The following CPNE5 variants were observed in gnomAD, a reference collection of about 807,000 sequenced individuals.
The protein encoded by CPNE5 is copine-5.
A neutral mutation model predicts 81.1 loss-of-function variants in CPNE5; 42 were observed. That is an observed-to-expected ratio of 0.52 (90% CI 0.40 to 0.67). The LOEUF is 0.67. CPNE5 is among the 30% of genes least tolerant of loss of function. The pLI is 0.00. For missense variants in CPNE5, 612 were observed against 815.5 expected (o/e 0.75, Z 3.04); for synonymous variants, 313 against 321.5 (o/e 0.97, Z 0.28).
At chr6:36,759,581 G>C (rs1318334190) in intron 12 of CPNE5, among the ~76,000 whole-genome samples, 1 of 151,996 alleles carries the variant, frequency 6.6e-6, no homozygotes, top group African/African-American at 2.4e-5. Context: ...GTTGAATAGT[G>C]TCACAAAACA....
At position 36,742,429 on chromosome 6, in the gene CPNE5, G is replaced by C; in HGVS notation, c.1621C>G (p.Arg541Gly). 6.2e-7 allele frequency: 1 copy of C among 1,613,612 alleles called. No homozygotes were observed. The highest frequency in any genetic ancestry group is 1.1e-5 in the South Asian group (1 of 91,082). ...TCTGCCAGCACGTCTCGGGCCAGGCGGGCCATGCTCAGCACGTGGTTGCCT... is the reference window on the plus strand; with the variant it reads ...TCTGCCAGCACGTCTCGGGCCAGGCCGGCCATGCTCAGCACGTGGTTGCCT... ...RTGNHVLSMA[R>G]LARDVLAEIP... Residue 541 changes from arginine to glycine, a missense_variant, in exon 21 of 21, where the codon CGC becomes GGC. Physicochemically the swap from Arg to Gly is moderately radical, Grantham distance 125. Coordinates refer to ENST00000244751, the MANE Select transcript of CPNE5 (RefSeq NM_020939.2).
At chr6:36,756,336 C>A (rs1162170161) in intron 12 of CPNE5, 38 bp from the exon 13 acceptor site, 8 of 1,588,610 alleles carry the variant, frequency 5.0e-6, no homozygotes, top group Non-Finnish European at 6.9e-6. Flanking sequence ...GGCATGCTTC[C>A]AGGCAGTCAG....
intron 8 of CPNE5, among the ~76,000 whole-genome samples, chr6:36,780,333 G>A (rs902122654): frequency 2.6e-5 from 4 of 152,160 alleles, no homozygotes; most frequent in Non-Finnish European, 5.9e-5. Context: ...CCAAAACGGT[G>A]GCAGAGAAGA....
chr6:36,754,181 T>C (rs1310014491), intron 13 of CPNE5: 1 of 151,752 alleles, frequency 6.6e-6, no homozygotes, highest in Non-Finnish European at 1.5e-5. Flanking sequence ...TATAGCCGAG[T>C]TTCCGGGGCT....
At chr6:36,824,226 C>T (rs980597670) in intron 1 of CPNE5, among the ~76,000 whole-genome samples, 3 of 152,204 alleles carry the variant, frequency 2.0e-5, no homozygotes, top group Non-Finnish European at 2.9e-5. Flanking sequence ...CCCAAAAGGC[C>T]GCACTCAACC....
At chr6:36,745,571 A>C in intron 16 of CPNE5, 56 bp from the exon 17 acceptor site, 1 of 1,495,520 alleles carries the variant, frequency 6.7e-7, no homozygotes, top group Non-Finnish European at 9.0e-7. Flanking sequence ...GGGGTGCACG[A>C]TGTGTGGGAA....
intron 8 of CPNE5, among the ~76,000 whole-genome samples, chr6:36,790,472 T>A (rs976534786): frequency 1.9e-4 from 29 of 152,220 alleles, no homozygotes; most frequent in African/African-American, 6.8e-4. Flanking sequence ...CAGAAGCAGC[T>A]ATGAGAATCC....
At chr6:36,822,247 C>T (rs539363648) in intron 2 of CPNE5, 87 bp from the exon 3 acceptor site, 17 of 1,190,082 alleles carry the variant, frequency 1.4e-5, no homozygotes, top group Middle Eastern at 2.0e-4. Flanking sequence ...GCTGGGCAGG[C>T]GCCTCAGCAG....
intron 3 of CPNE5, among the ~76,000 whole-genome samples, chr6:36,806,255 T>C (rs1770583457): frequency 6.6e-6 from 1 of 152,158 alleles, no homozygotes; most frequent in African/African-American, 2.4e-5. Context: ...ATTGCTTCCC[T>C]TTGAATAGCA....
At chr6:36,821,022 G>A (rs1390191548) in intron 3 of CPNE5, among the ~76,000 whole-genome samples, 1 of 152,132 alleles carries the variant, frequency 6.6e-6, no homozygotes, top group Non-Finnish European at 1.5e-5. Flanking sequence ...CCAGTTAAGG[G>A]GAATAAGAAG....
rs375462904 is a variant in CPNE5 at position 36,762,958 on chromosome 6, G to A, written c.814C>T (p.Arg272Trp). The change falls in exon 12 of 21, where the codon CGG becomes TGG. Residue 272 changes from arginine (R) to tryptophan (W), a missense_variant. Coordinates refer to ENST00000244751, the MANE Select transcript of CPNE5 (RefSeq NM_020939.2). ...TGGCTCTGCCCACGGGCCAGCTCCC[G>A]GTAACTGGTGGTGAACTCCCCAATG... ...DFIGEFTTSY[R>W]ELARGQSQFN... is the part of the protein sequence containing the mutation. 7.4e-6 allele frequency: 12 copies of A among 1,614,038 alleles called. No individual in the cohort carries two copies. The highest frequency in any genetic ancestry group is 6.8e-6 in the Non-Finnish European group (8 of 1,180,030).
intron 3 of CPNE5, among the ~76,000 whole-genome samples, chr6:36,821,685 T>A (rs989669652): frequency 1.3e-5 from 2 of 151,322 alleles, no homozygotes; most frequent in Non-Finnish European, 2.9e-5. Flanking sequence ...CAGAAGGGAG[T>A]CAACAAAGTT....
chr6:36,767,444 T>A (rs1026788520), intron 10 of CPNE5, among the ~76,000 whole-genome samples: 35 of 152,146 alleles, frequency 2.3e-4, no homozygotes, highest in African/African-American at 8.4e-4. Context: ...CAGCTGAGGG[T>A]CTGAGCCAGA....
At position 36,746,157 on chromosome 6, in the gene CPNE5, G is replaced by A. The variant is rs1764135272; in HGVS notation, c.1200+239C>T. ...CTCCACCTGCACCTGCGTCTTGTCAGGAACAAGGAAGCCAGGGCCAGCTGT... is the reference window on the plus strand; with the variant it reads ...CTCCACCTGCACCTGCGTCTTGTCAAGAACAAGGAAGCCAGGGCCAGCTGT... On this transcript the variant is annotated intron_variant, in intron 16 of 20. Coordinates refer to ENST00000244751, the MANE Select transcript of CPNE5 (RefSeq NM_020939.2). The surrounding 1 kb of genome is among the most constrained non-coding windows in gnomAD (Gnocchi z 4.5). 3.0e-6 allele frequency: 3 copies of A among 985,338 alleles called. No individual in the cohort carries two copies. In the African/African-American group the frequency reaches 5.2e-5, roughly 17 times the overall value. The allele number at this position is 985,338 out of a possible 1,614,324, so 61.0% of individuals were successfully genotyped here. A position where few individuals can be genotyped will look rare whatever the true frequency, so the allele number is the denominator to read the frequency against.
At chr6:36,815,103 A>G (rs1212390304) in intron 3 of CPNE5, among the ~76,000 whole-genome samples, 1 of 151,536 alleles carries the variant, frequency 6.6e-6, no homozygotes, top group Non-Finnish European at 1.5e-5. Flanking sequence ...GTTTGCAGTG[A>G]GCAGTGATCG....
At position 36,748,278 on chromosome 6, in the gene CPNE5, G is replaced by A; in HGVS notation, c.972-11C>T. ...AAGTTGATCTGGGTCCTAGAAGAGG[G>A]AGAACAGCAGGGGAGTCACCTGGAG... On this transcript the variant is annotated splice_polypyrimidine_tract_variant and intron_variant, in intron 14 of 20. Coordinates refer to ENST00000244751, the MANE Select transcript of CPNE5 (RefSeq NM_020939.2). The A allele has an allele frequency of 6.2e-7, 1 of 1,614,010 alleles. No individual in the cohort carries two copies. Among genetic ancestry groups the A allele is most frequent in the African/African-American group, 1.3e-5 (1 of 75,044 alleles).
rs1765819254 is a variant in CPNE5, at chr6:36,759,537, A to AC, written c.856-3240dup. On this transcript the variant is annotated intron_variant, in intron 12 of 20. Coordinates refer to ENST00000244751, the MANE Select transcript of CPNE5 (RefSeq NM_020939.2). The stretch of plus-strand genomic sequence containing the variant: ...GGGATGCAGCAGTAAGTGCAACACA[A>AC]CCCCCACCCTGAGGACTTCAAGGTC... 2.0e-5 allele frequency among the ~76,000 whole-genome samples: 3 copies of AC among 150,802 alleles called. No individual in the cohort carries two copies. In the South Asian group the frequency reaches 6.3e-4, roughly 32 times the overall value.
At chr6:36,772,291 C>A (rs762923269) in intron 10 of CPNE5, among the ~76,000 whole-genome samples, 2 of 152,142 alleles carry the variant, frequency 1.3e-5, no homozygotes, top group Admixed American at 6.5e-5. Context: ...GGATCCTCCA[C>A]CCCTGACTTT....
At chr6:36,748,349 CA>C in intron 14 of CPNE5, 82 bp from the exon 15 acceptor site, 1 of 1,250,292 alleles carries the variant, frequency 8.0e-7, no homozygotes, top group Non-Finnish European at 1.2e-6. Flanking sequence ...CATTGGCTAC[CA>C]CCCTGGCTCT....
Sources: gnomAD v4.1 joint callset for allele counts (sites outside exome capture counted in the v4.1 genomes callset) on GRCh38, gnomAD v4.1.1 for gene constraint, Gnocchi (gnomAD v3.1) non-coding constraint, MANE v1.5 for transcripts, NCBI Gene and HGNC (gene_info 2026-07-23, HGNC 2026-07-21) for gene names.